DHRSX: variants seen among roughly 807,000 people sequenced by gnomAD.
DHRSX encodes the protein dehydrogenase/reductase X-linked.
In DHRSX, 31 loss-of-function variants were observed where a neutral mutation model predicts 34.0. The observed-to-expected ratio is 0.91, with a 90% confidence interval of 0.69 to 1.23. The LOEUF is 1.23. DHRSX is among the 50% of genes most tolerant of loss of function. The probability of loss-of-function intolerance (pLI) is 0.00; values close to 1 mark genes in which losing one functional copy is unlikely to be tolerated. For missense variants in DHRSX, 414 were observed against 428.1 expected (o/e 0.97, Z 0.29); for synonymous variants, 201 against 183.8 (o/e 1.09, Z -0.76).
At position 2,292,031 on chromosome X, in the gene DHRSX, C is replaced by T. The variant is rs776034002; in HGVS notation, c.287-428G>A. Among the ~76,000 whole-genome samples the T allele has an allele frequency of 7.2e-5, 11 of 151,962 alleles. 1 individual carries two copies. The highest frequency in any genetic ancestry group is 4.1e-4 in the South Asian group (2 of 4,820). On this transcript the variant is annotated intron_variant, in intron 3 of 6. Transcript: ENST00000334651. ...CTGGGATTACAGGCGTGAGCCACCA[C>T]GCCTGTCCAGGAAGTAACACTGAAT...
chrX:2,239,829 A>C (rs966276728), intron 6 of DHRSX, among the ~76,000 whole-genome samples: 9 of 152,160 alleles, frequency 5.9e-5, no homozygotes, highest in Admixed American at 5.9e-4. Flanking sequence ...TGGATACTGA[A>C]GTCACTCTCT....
chrX:2,290,883 G>A (rs1339287440), intron 4 of DHRSX, among the ~76,000 whole-genome samples: 1 of 152,182 alleles, frequency 6.6e-6, no homozygotes, highest in Non-Finnish European at 1.5e-5. Flanking sequence ...ATGGGCATCA[G>A]TGTTACGAGG....
intron 3 of DHRSX, among the ~76,000 whole-genome samples, chrX:2,337,028 ACTC>A (rs1248552925): frequency 2.0e-5 from 3 of 150,910 alleles, no homozygotes; most frequent in Non-Finnish European, 4.4e-5. Context: ...CTGGTCTTGA[ACTC>A]CTGACATCAT....
Position 2,490,834 on chromosome X carries a change from C to T in DHRSX, c.109+9983G>A, listed in dbSNP as rs758215277. ...ACCCAGGCACGCACGGGAGCCCTGC[C>T]GGGGAGACAGACAGGGTGCCGGGGC... On this transcript the variant is annotated intron_variant, in intron 1 of 6. Coordinates refer to ENST00000334651, the MANE Select transcript of DHRSX (RefSeq NM_145177.3). 4.2e-5 allele frequency: 60 copies of T among 1,436,442 alleles called. No homozygotes were observed. In the South Asian group the frequency reaches 4.9e-4, roughly 12 times the overall value. The allele number at this position is 1,436,442 out of a possible 1,614,324, so 89.0% of individuals were successfully genotyped here. A position where few individuals can be genotyped will look rare whatever the true frequency, so the allele number is the denominator to read the frequency against.
intron 3 of DHRSX, among the ~76,000 whole-genome samples, chrX:2,327,764 G>A (rs1363099835): frequency 6.6e-6 from 1 of 152,030 alleles, no homozygotes; most frequent in South Asian, 2.1e-4. Context: ...CCCCTAATCC[G>A]AGAAGACTGG....
rs145514313 is a variant in DHRSX at position 2,429,213 on chromosome X, T to C, written c.110-3909A>G. On this transcript the variant is annotated intron_variant, in intron 1 of 6. Coordinates refer to ENST00000334651, the MANE Select transcript of DHRSX (RefSeq NM_145177.3). ...TGTAGTATCAGTAGATGTATTGATG[T>C]TCTTAATTTACTAAGTTTATTTTAA... 4.9e-3 allele frequency among the ~76,000 whole-genome samples: 741 copies of C among 152,264 alleles called. 6 individuals carry two copies. The highest frequency in any genetic ancestry group is 0.016 in the African/African-American group (682 of 41,522).
intron 6 of DHRSX, among the ~76,000 whole-genome samples, chrX:2,224,287 T>C (rs747680142): frequency 2.0e-5 from 3 of 152,314 alleles, no homozygotes; most frequent in East Asian, 1.9e-4. Flanking sequence ...ATCGTCCCTA[T>C]TGTTGAACAA....
At chrX:2,349,242 G>A (rs1343359708) in intron 3 of DHRSX, among the ~76,000 whole-genome samples, 1 of 152,098 alleles carries the variant, frequency 6.6e-6, no homozygotes, top group Non-Finnish European at 1.5e-5. Flanking sequence ...GATATGGAAT[G>A]AACCCAAGCG....
In DHRSX at chrX:2,404,611, G is replaced by A. The variant is rs762839376; in HGVS notation, c.286+4134C>T. On this transcript the variant is annotated intron_variant, in intron 3 of 6. Transcript: ENST00000334651. ...AGCTATACAGCTACAAAGTCACTAG[G>A]CAAATAATCTCAAATCATAAAACAT... Among the ~76,000 whole-genome samples the A allele has an allele frequency of 2.0e-5, 3 of 152,060 alleles. No individual in the cohort carries two copies. In the South Asian group the frequency reaches 6.2e-4, roughly 32 times the overall value.
At chrX:2,407,748 G>A (rs888147116) in intron 3 of DHRSX, among the ~76,000 whole-genome samples, 5 of 152,156 alleles carry the variant, frequency 3.3e-5, no homozygotes, top group Non-Finnish European at 7.3e-5. Flanking sequence ...CATGGAAAGA[G>A]TGGAATAACA....
rs1428468903 is a variant in DHRSX at position 2,298,610 on chromosome X, A to ACACACACG, written c.287-7008_287-7007insCGTGTGTG. ...CCTGCAGGCGCGTGTGTACACACAC[A>ACACACACG]CACACACACACACACACACACACAC... On this transcript the variant is annotated intron_variant, in intron 3 of 6. Transcript: ENST00000334651. Among the ~76,000 whole-genome samples the ACACACACG allele has an allele frequency of 4.0e-4, 26 of 64,780 alleles. 1 individual carries two copies. Among genetic ancestry groups the ACACACACG allele is most frequent in the Admixed American group, 8.0e-4 (5 of 6,258 alleles). The allele number at this position is 64,780 out of a possible 152,430, so 42.5% of individuals were successfully genotyped here. A position where few individuals can be genotyped will look rare whatever the true frequency, so the allele number is the denominator to read the frequency against.
intron 3 of DHRSX, among the ~76,000 whole-genome samples, chrX:2,324,357 C>G (rs1333523358): frequency 6.6e-6 from 1 of 152,172 alleles, no homozygotes; most frequent in Non-Finnish European, 1.5e-5. Context: ...TCCTCTCTCT[C>G]AGCCTTTGGC....
chrX:2,492,287 GA>G (rs201680231), intron 1 of DHRSX, among the ~76,000 whole-genome samples: 5,577 of 152,190 alleles, frequency 0.037, 134 homozygotes, highest in Middle Eastern at 0.12. Context: ...GTCCTTAATA[GA>G]AGACAGATGA....
Position 2,251,003 on chromosome X carries a change from TG to T in DHRSX, c.597-7774del, listed in dbSNP as rs1250439782. On this transcript the variant is annotated intron_variant, in intron 5 of 6. Transcript: ENST00000334651. ...AGCCTGCAGCTGACATGTTCTGAGA[TG>T]TGCCTTGCCGTTGTGCAAAAGGCAT... Among the ~76,000 whole-genome samples, 3 of 152,124 alleles carry T rather than the reference TG, an allele frequency of 2.0e-5. No individual in the cohort carries two copies. The East Asian group carries it at 5.8e-4, about 29-fold the overall frequency.
intron 4 of DHRSX, among the ~76,000 whole-genome samples, chrX:2,283,405 C>T (rs1365021524): frequency 6.6e-6 from 1 of 152,098 alleles, no homozygotes; most frequent in Non-Finnish European, 1.5e-5. Flanking sequence ...ACAGAAGGCA[C>T]GCAGAATAAA....
chrX:2,392,251 A>C (rs992030409), intron 3 of DHRSX: 1 of 155,448 alleles, frequency 6.4e-6, no homozygotes, highest in South Asian at 2.0e-4. Flanking sequence ...AATGCCATGC[A>C]TGTTACAGTT....
At chrX:2,347,747 G>C (rs1240521213) in intron 3 of DHRSX, among the ~76,000 whole-genome samples, 1 of 152,138 alleles carries the variant, frequency 6.6e-6, no homozygotes, top group Non-Finnish European at 1.5e-5. Flanking sequence ...GATGTAATGA[G>C]CTGTACATTT....
chrX:2,371,296 C>CT (rs1361462125), intron 3 of DHRSX, among the ~76,000 whole-genome samples: 3 of 149,368 alleles, frequency 2.0e-5, no homozygotes, highest in African/African-American at 7.5e-5. Flanking sequence ...ATAGTCCCTC[C>CT]TCCATTACCA....
At chrX:2,310,431 C>T (rs1252615861) in intron 3 of DHRSX, among the ~76,000 whole-genome samples, 2 of 152,006 alleles carry the variant, frequency 1.3e-5, no homozygotes, top group Non-Finnish European at 2.9e-5. Flanking sequence ...AGGTATGGAG[C>T]GCCTCTCTGG....
Sources: gnomAD v4.1 joint callset for allele counts (sites outside exome capture counted in the v4.1 genomes callset) on GRCh38, gnomAD v4.1.1 for gene constraint, MANE v1.5 for transcripts, NCBI Gene and HGNC (gene_info 2026-07-23, HGNC 2026-07-21) for gene names.